The following RPL36A variants were observed in gnomAD, a reference collection of about 807,000 sequenced individuals.
RPL36A encodes the protein ribosomal protein L36a.
For synonymous variants in RPL36A, 25 were observed against 28.5 expected, an observed-to-expected ratio of 0.88 and a Z score of 0.39; for missense variants, 20 against 81.0, an observed-to-expected ratio of 0.25 and a Z score of 2.89.
chrX:101,391,185 C>T (rs895209292), intron 1 of RPL36A, 139 bp downstream of exon 1: 8 of 737,302 alleles, frequency 1.1e-5, no homozygotes, highest in Middle Eastern at 3.1e-4. Context: ...GGGATCAACC[C>T]TAAAGGGACC....
chrX:101,392,529 C>T, intron 3 of RPL36A: 1 of 754,886 alleles, frequency 1.3e-6, no homozygotes. Flanking sequence ...TTTTTTTATA[C>T]CTTTTCACAT....
At chrX:101,391,912 T>G (rs1461278726) in intron 3 of RPL36A, 90 bp downstream of exon 3, 17 of 1,191,096 alleles carry the variant, frequency 1.4e-5, no homozygotes, top group Non-Finnish European at 1.9e-5. Context: ...GATATAGGTA[T>G]AGCGTTAGTT....
chrX:101,394,775 A>AAT lies in RPL36A; in HGVS notation c.178-545_178-544dup, dbSNP rs1400063594. On this transcript the variant is annotated intron_variant, in intron 3 of 4. Transcript: ENST00000553110. ...GTTTTTTATATATATTTATATATAT[A>AAT]ATATATATATATATATTTTTTTTTT... Among the ~76,000 whole-genome samples, 242 of 81,490 alleles carry AAT rather than the reference A, an allele frequency of 3.0e-3. 1 individual carries two copies. Among genetic ancestry groups the AAT allele is most frequent in the East Asian group, 7.2e-3 (21 of 2,916 alleles). 70.8% of individuals were successfully genotyped at this position (81,490 alleles called of 115,157 possible). A position where few individuals can be genotyped will look rare whatever the true frequency, so the allele number is the denominator to read the frequency against.
At chrX:101,392,346 C>T in intron 3 of RPL36A, 1 of 858,485 alleles carries the variant, frequency 1.2e-6, no homozygotes, top group Non-Finnish European at 1.4e-6. Flanking sequence ...GGTGATTTGG[C>T]TAACTCTTAA....
chrX:101,393,229 CGTTAT>C (rs1264177537), intron 3 of RPL36A: 2 of 110,122 alleles, frequency 1.8e-5, no homozygotes, highest in African/African-American at 6.6e-5. Context: ...AACTGGAGAT[CGTTAT>C]GTTAAGTGAA....
rs1260057944 is a variant in RPL36A, at chrX:101,395,374, G to A, written c.217G>A (p.Val73Ile). The A allele has an allele frequency of 3.3e-6, 4 of 1,206,119 alleles. No individual in the cohort carries two copies. Among genetic ancestry groups the A allele is most frequent in the Non-Finnish European group, 4.5e-6 (4 of 893,975 alleles). Residue 73 changes from valine (V) to isoleucine (I), a missense_variant, in exon 4 of 5, where the codon GTT (valine) becomes ATT (isoleucine). Transcript: ENST00000553110. Reference protein sequence around the residue: ...TKKIVLRLECVEPNCRSKRML... With the variant: ...TKKIVLRLECIEPNCRSKRML... ...GAAGATTGTGCTAAGGCTTGAGTGCGTTGAGCCCAACTGCAGATCTAAGAG... is the reference window on the plus strand; with the variant it reads ...GAAGATTGTGCTAAGGCTTGAGTGCATTGAGCCCAACTGCAGATCTAAGAG...
chrX:101,391,732 CAA>C (rs1231724372), intron 2 of RPL36A, 21 bp from the exon 3 acceptor site: 2 of 1,208,428 alleles, frequency 1.7e-6, no homozygotes, highest in Middle Eastern at 4.6e-4. Context: ...TATTTTATAA[CAA>C]ATACCAATTC....
chrX:101,394,710 A>G (rs1043563447), intron 3 of RPL36A, among the ~76,000 whole-genome samples: 12 of 98,859 alleles, frequency 1.2e-4, no homozygotes, highest in Non-Finnish European at 2.4e-4. Context: ...TTCTCTTTAT[A>G]TATATATATT....
chrX:101,392,195 C>T (rs781960080), intron 3 of RPL36A: 2 of 976,928 alleles, frequency 2.0e-6, no homozygotes, highest in East Asian at 6.7e-5. Flanking sequence ...TCTGTTGTTT[C>T]TCATCACAGA....
intron 3 of RPL36A, chrX:101,392,739 T>G: frequency 2.7e-6 from 1 of 377,020 alleles, no homozygotes; most frequent in Non-Finnish European, 3.4e-6. Flanking sequence ...AAGAGATATC[T>G]GCACTCCTAT....
chrX:101,391,987 T>G (rs1927826334), intron 3 of RPL36A, 165 bp downstream of exon 3: 1 of 1,172,132 alleles, frequency 8.5e-7, no homozygotes, highest in East Asian at 3.2e-5. Context: ...AACTCATGTC[T>G]GACTAGTCCA....
chrX:101,394,303 CAA>C (rs782818290), intron 3 of RPL36A, among the ~76,000 whole-genome samples: 3 of 80,840 alleles, frequency 3.7e-5, no homozygotes, highest in Admixed American at 1.5e-4. Flanking sequence ...GCCTGGGCAA[CAA>C]GAGCAAAACT....
At chrX:101,392,281 C>T (rs1927837784) in intron 3 of RPL36A, 1 of 875,937 alleles carries the variant, frequency 1.1e-6, no homozygotes, top group African/African-American at 2.1e-5. Context: ...TTCTGCTAGC[C>T]TCCTGAATTC....
chrX:101,392,368 C>T (rs1168841712), intron 3 of RPL36A: 3 of 836,054 alleles, frequency 3.6e-6, no homozygotes, highest in Non-Finnish European at 4.3e-6. Flanking sequence ...GTAATTAGCA[C>T]GATGATTGGA....
intron 3 of RPL36A, chrX:101,393,850 T>C (rs1927915339): frequency 9.5e-6 from 1 of 105,534 alleles, no homozygotes; most frequent in Non-Finnish European, 2.0e-5. Flanking sequence ...AAAAGGACAT[T>C]AGAAAAACAT....
In RPL36A at chrX:101,391,584, A is replaced by C. The variant is rs374093946; in HGVS notation, c.109+20A>C. On this transcript the variant is annotated intron_variant, in intron 2 of 4. Coordinates refer to ENST00000553110, the MANE Select transcript of RPL36A (RefSeq NM_021029.6). The stretch of plus-strand genomic sequence containing the variant: ...CCCAGGGTAAGATGGATTCCGCATA[A>C]TTTGGTGTTAATGTGACATTTGTGT... 1.7e-6 allele frequency: 2 copies of C among 1,209,023 alleles called. No individual in the cohort carries two copies. The highest frequency in any genetic ancestry group is 3.0e-5 in the East Asian group (1 of 33,831).
intron 3 of RPL36A, chrX:101,393,229 C>G (rs929618003): frequency 3.6e-5 from 4 of 110,122 alleles, no homozygotes; most frequent in African/African-American, 1.3e-4. Flanking sequence ...AACTGGAGAT[C>G]GTTATGTTAA....
At chrX:101,394,223 C>T (rs1477287969) in intron 3 of RPL36A, among the ~76,000 whole-genome samples, 1 of 107,716 alleles carries the variant, frequency 9.3e-6, no homozygotes, top group Non-Finnish European at 1.9e-5. Flanking sequence ...ATCCCAGCTA[C>T]TCAGGAGGCT....
At chrX:101,393,708 C>G (rs1927910380) in intron 3 of RPL36A, 1 of 111,661 alleles carries the variant, frequency 9.0e-6, no homozygotes. Context: ...GGGCATTTTA[C>G]AAAATACTTG....
Sources: allele counts gnomAD v4.1 joint callset (sites outside exome capture counted in the v4.1 genomes callset), GRCh38; gene constraint gnomAD v4.1.1; transcripts MANE v1.5; gene names NCBI Gene and HGNC (gene_info 2026-07-23, HGNC 2026-07-21).